LMO1: variants seen among roughly 807,000 people sequenced by gnomAD.
The protein encoded by LMO1 is rhombotin-1.
In LMO1, 10 loss-of-function variants were observed where a neutral mutation model predicts 18.0. The ratio of observed to expected loss-of-function variants is 0.55; its 90% CI spans 0.34 to 0.94. LMO1 has a LOEUF of 0.94. LMO1 is among the 40% of genes least tolerant of loss of function. The pLI is 0.02. For missense variants in LMO1, 183 were observed against 205.7 expected, an observed-to-expected ratio of 0.89 and a Z score of 0.68; for synonymous variants, 77 against 77.9, an observed-to-expected ratio of 0.99 and a Z score of 0.06.
At chr11:8,236,633 A>G (rs949883144) in intron 1 of LMO1, among the ~76,000 whole-genome samples, 2 of 152,090 alleles carry the variant, frequency 1.3e-5, no homozygotes, top group African/African-American at 4.8e-5. Flanking sequence ...GAGAGCATGC[A>G]GACACTCGCC....
chr11:8,234,354 C>G (rs556357534), intron 1 of LMO1, among the ~76,000 whole-genome samples: 1 of 152,054 alleles, frequency 6.6e-6, no homozygotes, highest in East Asian at 1.9e-4. Flanking sequence ...TCCCTCCAGC[C>G]CGGAGGAGAA....
chr11:8,233,852 TA>T (rs1259146839), intron 1 of LMO1, among the ~76,000 whole-genome samples: 1 of 152,200 alleles, frequency 6.6e-6, no homozygotes, highest in African/African-American at 2.4e-5. Flanking sequence ...GGATCCATTT[TA>T]GTGTTATCTA....
At chr11:8,261,082 A>G (rs1847178720) in intron 1 of LMO1, among the ~76,000 whole-genome samples, 1 of 152,160 alleles carries the variant, frequency 6.6e-6, no homozygotes, top group African/African-American at 2.4e-5. Flanking sequence ...TAGGGAGTGG[A>G]GTGCAGATGC....
chr11:8,248,039 C>T (rs182782427), intron 1 of LMO1, among the ~76,000 whole-genome samples: 1 of 151,980 alleles, frequency 6.6e-6, no homozygotes, highest in Non-Finnish European at 1.5e-5. Context: ...TCTTAACTTA[C>T]GTGACCAGGG....
In LMO1 at chr11:8,263,419, C is replaced by T. The variant is rs1204231840; in HGVS notation, c.-57G>A. 3 of 1,589,766 alleles carry T rather than the reference C, an allele frequency of 1.9e-6. No homozygotes were observed. The highest frequency in any genetic ancestry group is 1.7e-6 in the Non-Finnish European group (2 of 1,173,358). On this transcript the variant is annotated 5_prime_UTR_variant, in exon 1 of 4. Transcript: ENST00000335790. ...CTCGGCCGGGAGAAGGGCGCCGACTCGGGGCGCGCTTTGGAGGGGCGGCCG... is the reference window on the plus strand; with the variant it reads ...CTCGGCCGGGAGAAGGGCGCCGACTTGGGGCGCGCTTTGGAGGGGCGGCCG...
intron 1 of LMO1, among the ~76,000 whole-genome samples, chr11:8,251,966 GT>G: frequency 8.2e-6 from 1 of 121,724 alleles, no homozygotes; most frequent in South Asian, 2.5e-4. Flanking sequence ...GTGTTTGTGT[GT>G]GGGGGTGTGC....
At chr11:8,255,262 T>G (rs1246382248) in intron 1 of LMO1, among the ~76,000 whole-genome samples, 2 of 152,200 alleles carry the variant, frequency 1.3e-5, no homozygotes, top group Non-Finnish European at 2.9e-5. Context: ...ATCCCAGCAC[T>G]TTGGGAGGCT....
intron 1 of LMO1, among the ~76,000 whole-genome samples, chr11:8,245,432 G>A (rs1846877698): frequency 6.6e-6 from 1 of 152,144 alleles, no homozygotes; most frequent in Non-Finnish European, 1.5e-5. Flanking sequence ...TTGTAGGGCT[G>A]AAGAATGAAA....
intron 1 of LMO1, among the ~76,000 whole-genome samples, chr11:8,249,338 A>G (rs1846948934): frequency 6.6e-6 from 1 of 152,186 alleles, no homozygotes. Flanking sequence ...TATAAAGCTG[A>G]AAAAGAACCC....
At chr11:8,243,949 A>G (rs1191643977) in intron 1 of LMO1, among the ~76,000 whole-genome samples, 1 of 152,170 alleles carries the variant, frequency 6.6e-6, no homozygotes, top group Non-Finnish European at 1.5e-5. Context: ...TGGGTGGGGA[A>G]GCTGGTCTAT....
intron 2 of LMO1, 111 bp downstream of exon 2, chr11:8,230,180 G>C (rs1952626998): frequency 2.2e-6 from 2 of 914,652 alleles, no homozygotes; most frequent in Admixed American, 1.9e-5. Context: ...AAGAATGAGA[G>C]GACACACAGG....
chr11:8,245,900 T>G (rs1353075528), intron 1 of LMO1, among the ~76,000 whole-genome samples: 1 of 152,106 alleles, frequency 6.6e-6, no homozygotes, highest in Non-Finnish European at 1.5e-5. Context: ...CTCAGGAAGC[T>G]TCCAATCATG....
chr11:8,264,860 T>C (rs181470091), upstream of LMO1, among the ~76,000 whole-genome samples: 2,120 of 152,304 alleles, frequency 0.014, 56 homozygotes, highest in African/African-American at 0.048. Flanking sequence ...CTCGAACTCC[T>C]GACCTCGTGA....
chr11:8,254,125 A>G (rs1018906798), intron 1 of LMO1, among the ~76,000 whole-genome samples: 3 of 152,200 alleles, frequency 2.0e-5, no homozygotes, highest in Non-Finnish European at 4.4e-5. Flanking sequence ...AAGTGGAAGG[A>G]CTTAAGAAAT....
intron 1 of LMO1, among the ~76,000 whole-genome samples, chr11:8,250,068 T>C (rs1026776240): frequency 1.3e-5 from 2 of 152,182 alleles, no homozygotes; most frequent in Admixed American, 1.3e-4. Context: ...TTTGTGGAGA[T>C]TATTTTCATC....
At chr11:8,250,503 G>T (rs995219589) in intron 1 of LMO1, among the ~76,000 whole-genome samples, 2 of 152,238 alleles carry the variant, frequency 1.3e-5, no homozygotes, top group Non-Finnish European at 2.9e-5. Flanking sequence ...GGGCACAAAG[G>T]CAGGTCAAAG....
intron 1 of LMO1, among the ~76,000 whole-genome samples, chr11:8,245,391 C>T (rs1169401857): frequency 1.3e-5 from 2 of 152,152 alleles, no homozygotes; most frequent in Non-Finnish European, 2.9e-5. Flanking sequence ...TCAGCTTCCT[C>T]ATCAGCAAAA....
intron 1 of LMO1, among the ~76,000 whole-genome samples, chr11:8,236,130 G>A (rs1433796871): frequency 6.6e-6 from 1 of 152,182 alleles, no homozygotes; most frequent in African/African-American, 2.4e-5. Context: ...AACTCAGAGG[G>A]TGACAGCTCC....
chr11:8,256,053 C>T (rs1166398275), intron 1 of LMO1, among the ~76,000 whole-genome samples: 1 of 152,100 alleles, frequency 6.6e-6, no homozygotes, highest in Non-Finnish European at 1.5e-5. Flanking sequence ...TCTCAATCTC[C>T]TGACCTCGTG....
Sources: gnomAD v4.1 joint callset for allele counts (sites outside exome capture counted in the v4.1 genomes callset) on GRCh38, gnomAD v4.1.1 for gene constraint, MANE v1.5 for transcripts, NCBI Gene and HGNC (gene_info 2026-07-23, HGNC 2026-07-21) for gene names.